MARCHF1: variants seen among roughly 807,000 people sequenced by gnomAD.
The protein encoded by MARCHF1 is E3 ubiquitin-protein ligase MARCHF1.
MARCHF1 carries 40 observed loss-of-function variants against 54.2 expected under a neutral mutation model. The ratio of observed to expected loss-of-function variants is 0.74; its 90% CI spans 0.57 to 0.96. The LOEUF is 0.96. Ranked by LOEUF, MARCHF1 falls within the 40% of genes least tolerant of loss-of-function variation. The pLI is 0.00. For synonymous variants in MARCHF1, 236 were observed against 236.3 expected (o/e 1.00, Z 0.01); for missense variants, 586 against 656.5 (o/e 0.89, Z 1.17).
At chr4:163,771,968 A>T (rs1460347283) in intron 4 of MARCHF1, among the ~76,000 whole-genome samples, 1 of 152,178 alleles carries the variant, frequency 6.6e-6, no homozygotes, top group Non-Finnish European at 1.5e-5. Flanking sequence ...CTAGTTATGC[A>T]ACTAGAAATT....
intron 8 of MARCHF1, among the ~76,000 whole-genome samples, chr4:163,582,692 C>A (rs1740269269): frequency 6.6e-6 from 1 of 151,766 alleles, no homozygotes. Context: ...AAGTTGAAGG[C>A]AATTAATTGG....
chr4:164,117,022 C>T (rs1466623493), intron 1 of MARCHF1, among the ~76,000 whole-genome samples: 3 of 152,000 alleles, frequency 2.0e-5, no homozygotes, highest in Non-Finnish European at 4.4e-5. Flanking sequence ...CTTTGGGAGG[C>T]CAAGGCGGGT....
intron 8 of MARCHF1, among the ~76,000 whole-genome samples, chr4:163,573,991 T>G (rs1165806709): frequency 6.6e-5 from 10 of 152,080 alleles, no homozygotes; most frequent in East Asian, 3.9e-4. Context: ...CCTGACTTTT[T>G]AATGATTGCC....
chr4:164,017,554 A>G (rs1753569550), intron 2 of MARCHF1, among the ~76,000 whole-genome samples: 2 of 152,000 alleles, frequency 1.3e-5, no homozygotes, highest in South Asian at 4.1e-4. Flanking sequence ...ATTTTCCAAA[A>G]CACCATTTAC....
At chr4:164,118,021 T>C (rs951598286) in intron 1 of MARCHF1, among the ~76,000 whole-genome samples, 1 of 151,966 alleles carries the variant, frequency 6.6e-6, no homozygotes, top group East Asian at 1.9e-4. Context: ...CATCAATTAG[T>C]GCTCATAATT....
chr4:163,983,292 C>T (rs1430539119), intron 3 of MARCHF1, among the ~76,000 whole-genome samples: 1 of 152,092 alleles, frequency 6.6e-6, no homozygotes, highest in African/African-American at 2.4e-5. Flanking sequence ...ACTTGAAAGG[C>T]TGAGTTATCT....
intron 8 of MARCHF1, among the ~76,000 whole-genome samples, chr4:163,581,952 AC>A (rs1461225194): frequency 6.6e-6 from 1 of 152,212 alleles, no homozygotes; most frequent in Non-Finnish European, 1.5e-5. Context: ...CCTGTATTGT[AC>A]ATTTGTCAAA....
chr4:163,928,321 C>T (rs943455082), intron 3 of MARCHF1, among the ~76,000 whole-genome samples: 7 of 151,924 alleles, frequency 4.6e-5, no homozygotes, highest in Non-Finnish European at 5.9e-5. Context: ...ATGCTACCCT[C>T]CCAGTAGCTA....
At chr4:164,161,661 T>C (rs1047069797) in intron 1 of MARCHF1, among the ~76,000 whole-genome samples, 2 of 152,098 alleles carry the variant, frequency 1.3e-5, no homozygotes, top group African/African-American at 4.8e-5. Context: ...CCTCATAAAC[T>C]TAAATTTATG....
intron 1 of MARCHF1, among the ~76,000 whole-genome samples, chr4:164,191,972 C>T (rs1205387232): frequency 3.3e-5 from 5 of 152,056 alleles, no homozygotes; most frequent in African/African-American, 1.2e-4. Flanking sequence ...AGTACTAGAA[C>T]ACGACCAATG....
At chr4:163,628,909 A>G (rs572487789) in intron 5 of MARCHF1, among the ~76,000 whole-genome samples, 2 of 152,340 alleles carry the variant, frequency 1.3e-5, no homozygotes, top group Non-Finnish European at 2.9e-5. Context: ...GAGGACACAA[A>G]CAAATGGAAA....
intron 9 of MARCHF1, among the ~76,000 whole-genome samples, chr4:163,539,930 T>C (rs1273963546): frequency 1.3e-5 from 2 of 152,182 alleles, no homozygotes; most frequent in Non-Finnish European, 2.9e-5. Context: ...TCTCTGAAAA[T>C]ATATTTCCTT....
chr4:163,548,158 C>A (rs1269962350), intron 8 of MARCHF1, among the ~76,000 whole-genome samples: 1 of 152,088 alleles, frequency 6.6e-6, no homozygotes, highest in Non-Finnish European at 1.5e-5. Flanking sequence ...CACATATAAT[C>A]ATAGAATATT....
At chr4:163,593,763 C>A (rs757883093) in intron 7 of MARCHF1, among the ~76,000 whole-genome samples, 81 of 152,144 alleles carry the variant, frequency 5.3e-4, no homozygotes, top group Non-Finnish European at 1.1e-3. Flanking sequence ...ATTAGAAATA[C>A]GCCTTTGCAT....
At chr4:163,915,759 G>T (rs1751294269) in intron 3 of MARCHF1, among the ~76,000 whole-genome samples, 1 of 152,052 alleles carries the variant, frequency 6.6e-6, no homozygotes, top group African/African-American at 2.4e-5. Context: ...AGTGTTTATT[G>T]ATCCATATTT....
chr4:163,882,831 G>A lies in MARCHF1; in HGVS notation c.-38-28662C>T, dbSNP rs115518702. On this transcript the variant is annotated intron_variant, in intron 3 of 9. Transcript: ENST00000514618. ...AAAAAATACAAAAAATTATCAGGGC[G>A]TGTGGTGCACTGGTGCATGTCTGTA... Among the ~76,000 whole-genome samples the A allele has an allele frequency of 3.1e-3, 479 of 152,130 alleles. 2 individuals carry two copies. The highest frequency in any genetic ancestry group is 0.012 in the South Asian group (60 of 4,826).
intron 3 of MARCHF1, among the ~76,000 whole-genome samples, chr4:163,968,004 A>G (rs1388973366): frequency 6.6e-6 from 1 of 152,178 alleles, no homozygotes; most frequent in African/African-American, 2.4e-5. Flanking sequence ...TTCTAAAATC[A>G]TTACTGTGGT....
At chr4:164,325,333 TTA>T (rs58385154) in intron 1 of MARCHF1, among the ~76,000 whole-genome samples, 2,544 of 138,272 alleles carry the variant, frequency 0.018, 72 homozygotes, top group African/African-American at 0.062. Context: ...TAGACAGAAA[TTA>T]TATATATATA....
chr4:164,053,195 A>G (rs561051534), intron 2 of MARCHF1, among the ~76,000 whole-genome samples: 14 of 152,312 alleles, frequency 9.2e-5, no homozygotes, highest in Non-Finnish European at 1.5e-4. Flanking sequence ...TTGCTTGAGG[A>G]AAGTTTACTT....
Sources: gnomAD v4.1 joint callset for allele counts (sites outside exome capture counted in the v4.1 genomes callset) on GRCh38, gnomAD v4.1.1 for gene constraint, MANE v1.5 for transcripts, NCBI Gene and HGNC (gene_info 2026-07-23, HGNC 2026-07-21) for gene names.